The following TOX variants were observed in gnomAD, a reference collection of about 807,000 sequenced individuals.
The protein encoded by TOX is thymocyte selection associated high mobility group box.
TOX carries 11 observed loss-of-function variants against 53.7 expected under a neutral mutation model. The observed-to-expected ratio is 0.20, with a 90% confidence interval of 0.13 to 0.34. The LOEUF (loss-of-function observed/expected upper bound fraction) is 0.34, where lower values mean the gene tolerates loss of function less well. Among genes scored for constraint, TOX ranks in the 10% least tolerant of loss-of-function variants. The probability of loss-of-function intolerance (pLI) is 1.00; values close to 1 mark genes in which losing one functional copy is unlikely to be tolerated. For missense variants in TOX, 570 were observed against 664.6 expected (o/e 0.86, Z 1.56); for synonymous variants, 225 against 245.3 (o/e 0.92, Z 0.77).
rs1368080173 is a variant in TOX, at chr8:58,816,961, G to A, written c.1006-1237C>T. Among the ~76,000 whole-genome samples, 3 of 152,130 alleles carry A rather than the reference G, an allele frequency of 2.0e-5. No homozygotes were observed. The East Asian group carries it at 5.8e-4, about 29-fold the overall frequency. On this transcript the variant is annotated intron_variant, in intron 6 of 8. Coordinates refer to ENST00000361421, the MANE Select transcript of TOX (RefSeq NM_014729.3). ...CATTTGTCTTCAATAATGCAGTCAA[G>A]TTTCATGAAAACCACAGTAAGAATG...
At chr8:59,095,356 T>C (rs893300342) in intron 1 of TOX, among the ~76,000 whole-genome samples, 6 of 152,080 alleles carry the variant, frequency 3.9e-5, no homozygotes, top group African/African-American at 9.6e-5. Flanking sequence ...CTTGTCAACA[T>C]TGACCTTATG....
At chr8:58,935,037 G>T (rs1047997579) in intron 3 of TOX, among the ~76,000 whole-genome samples, 1 of 152,132 alleles carries the variant, frequency 6.6e-6, no homozygotes, top group African/African-American at 2.4e-5. Context: ...AATTGTTGAT[G>T]TCTAATATAT....
In TOX at chr8:58,808,268, C is replaced by T; in HGVS notation, c.1394G>A (p.Gly465Glu). The T allele has an allele frequency of 1.2e-6, 2 of 1,604,566 alleles. No individual in the cohort carries two copies. The highest frequency in any genetic ancestry group is 1.7e-6 in the Non-Finnish European group (2 of 1,176,976). Residue 465 changes from glycine (G) to glutamate (E), a missense_variant and splice_region_variant, in exon 8 of 9, where the codon GGA becomes GAA. By Grantham distance (98) the Gly-to-Glu change is moderately conservative. Transcript: ENST00000361421. ...SALHSPTMQQ[G>E]FTLQPDYQTI... The stretch of plus-strand genomic sequence containing the variant: ...CTGATAGTCGGGTTGAAGAGTAAAT[C>T]CCTGAAAGGGAAAGCAAGTCCGCAA...
intron 1 of TOX, among the ~76,000 whole-genome samples, chr8:58,977,354 GC>G (rs1321312826): frequency 3.1e-4 from 47 of 152,280 alleles, no homozygotes; most frequent in African/African-American, 1.1e-3. Context: ...GAGAGGTAAG[GC>G]CTTGCTCTGG....
chr8:58,921,718 T>C (rs1163570838), intron 3 of TOX, among the ~76,000 whole-genome samples: 1 of 152,232 alleles, frequency 6.6e-6, no homozygotes, highest in African/African-American at 2.4e-5. Context: ...ATCAACCAGA[T>C]CTTACTAAAA....
chr8:59,074,462 T>TA (rs1804256924), intron 1 of TOX, among the ~76,000 whole-genome samples: 1 of 152,158 alleles, frequency 6.6e-6, no homozygotes, highest in Non-Finnish European at 1.5e-5. Flanking sequence ...ATCTACGAGG[T>TA]ACCTCGTAAG....
intron 1 of TOX, among the ~76,000 whole-genome samples, chr8:59,008,668 T>G (rs995549656): frequency 6.6e-6 from 1 of 152,180 alleles, no homozygotes; most frequent in Admixed American, 6.5e-5. Context: ...CAGGGTTCAA[T>G]GGCGGTGACA....
intron 1 of TOX, among the ~76,000 whole-genome samples, chr8:59,085,191 T>G (rs564022663): frequency 6.6e-6 from 1 of 152,244 alleles, no homozygotes; most frequent in Non-Finnish European, 1.5e-5. Context: ...CCTTTCACTT[T>G]CATGTGCAGA....
chr8:59,112,014 A>G (rs1805024483), intron 1 of TOX, among the ~76,000 whole-genome samples: 2 of 152,304 alleles, frequency 1.3e-5, no homozygotes, highest in South Asian at 4.1e-4. Flanking sequence ...AGTAACATGG[A>G]AATCTGAAAA....
intron 3 of TOX, among the ~76,000 whole-genome samples, chr8:58,905,804 T>C (rs1362167370): frequency 2.0e-5 from 3 of 152,198 alleles, no homozygotes; most frequent in Admixed American, 6.5e-5. Flanking sequence ...ATCCAATCAT[T>C]CGACTTTGAT....
At chr8:58,979,152 T>A (rs1434995252) in intron 1 of TOX, among the ~76,000 whole-genome samples, 2 of 152,236 alleles carry the variant, frequency 1.3e-5, no homozygotes, top group Non-Finnish European at 2.9e-5. Flanking sequence ...GGATTTTACA[T>A]GGATTAAAAT....
In TOX at chr8:58,807,072, T is replaced by C. The variant is rs1192551293; in HGVS notation, c.*675A>G. On this transcript the variant is annotated 3_prime_UTR_variant, in exon 9 of 9. Transcript: ENST00000361421. Reference sequence around the variant, plus strand: ...ATAAATGTGTTTGCGCTTCCCTTAATACTAGTTTCTTTTTGTCTGATCAAT... The same window carrying C: ...ATAAATGTGTTTGCGCTTCCCTTAACACTAGTTTCTTTTTGTCTGATCAAT... 2 of 152,660 alleles carry C rather than the reference T, an allele frequency of 1.3e-5. No homozygotes were observed. The highest frequency in any genetic ancestry group is 2.9e-5 in the Non-Finnish European group (2 of 68,040). 9.5% of individuals were successfully genotyped at this position (152,660 alleles called of 1,614,324 possible).
intron 1 of TOX, among the ~76,000 whole-genome samples, chr8:59,056,739 T>C (rs1334055754): frequency 6.6e-6 from 1 of 152,220 alleles, no homozygotes; most frequent in Admixed American, 6.5e-5. Context: ...TTAGGAAGTA[T>C]CTGATTGAAA....
intron 1 of TOX, among the ~76,000 whole-genome samples, chr8:59,056,993 AAG>A (rs1407039401): frequency 6.6e-6 from 1 of 152,178 alleles, no homozygotes; most frequent in Non-Finnish European, 1.5e-5. Context: ...CCCAGAAAAA[AAG>A]AGTATGAAAA....
chr8:59,039,365 A>C (rs1342362209), intron 1 of TOX, among the ~76,000 whole-genome samples: 1 of 152,234 alleles, frequency 6.6e-6, no homozygotes, highest in Admixed American at 6.5e-5. Context: ...TATGAAGTGG[A>C]AATAACTATT....
chr8:59,052,854 C>A (rs558263302), intron 1 of TOX, among the ~76,000 whole-genome samples: 28 of 152,222 alleles, frequency 1.8e-4, no homozygotes, highest in Non-Finnish European at 3.4e-4. Context: ...AAACCTGACA[C>A]GTAGAAGCTG....
chr8:59,012,813 A>C (rs1813932426), intron 1 of TOX, among the ~76,000 whole-genome samples: 1 of 152,130 alleles, frequency 6.6e-6, no homozygotes, highest in Admixed American at 6.5e-5. Context: ...CCAAGAAAGA[A>C]ACTGAGACAC....
chr8:58,884,084 C>CAGAA (rs529358897), intron 3 of TOX, among the ~76,000 whole-genome samples: 253 of 152,128 alleles, frequency 1.7e-3, no homozygotes, highest in Admixed American at 4.4e-3. Context: ...AGGCTTCAAG[C>CAGAA]AGAAAGAAAG....
At chr8:58,928,645 T>C (rs994370954) in intron 3 of TOX, among the ~76,000 whole-genome samples, 8 of 152,180 alleles carry the variant, frequency 5.3e-5, no homozygotes, top group Middle Eastern at 3.4e-3. Context: ...TATATATATA[T>C]ACACACACAT....
Sources: allele counts gnomAD v4.1 joint callset (sites outside exome capture counted in the v4.1 genomes callset), GRCh38; gene constraint gnomAD v4.1.1; transcripts MANE v1.5; gene names NCBI Gene and HGNC (gene_info 2026-07-23, HGNC 2026-07-21).